The following NELL1 variants were observed in gnomAD, a reference collection of about 807,000 sequenced individuals.
The protein encoded by NELL1 is protein kinase C-binding protein NELL1.
Under a neutral mutation model 107.4 loss-of-function variants are expected in NELL1, and 76 were observed. That is an observed-to-expected ratio of 0.71 (90% confidence interval 0.59 to 0.86). NELL1 has a LOEUF of 0.86. NELL1 is among the 40% of genes least tolerant of loss of function. NELL1 has a pLI of 0.00. For synonymous variants in NELL1, 353 were observed against 341.2 expected, an observed-to-expected ratio of 1.03 and a Z score of -0.38; for missense variants, 1,024 against 1,005.5, an observed-to-expected ratio of 1.02 and a Z score of -0.25.
chr11:21,167,974 G>A (rs1209029983), intron 13 of NELL1, among the ~76,000 whole-genome samples: 1 of 151,606 alleles, frequency 6.6e-6, no homozygotes, highest in Non-Finnish European at 1.5e-5. Context: ...GTACTCACCA[G>A]AATCTGTAAT....
At chr11:21,190,690 G>A (rs1371530048) in intron 13 of NELL1, among the ~76,000 whole-genome samples, 4 of 151,864 alleles carry the variant, frequency 2.6e-5, no homozygotes, top group Non-Finnish European at 5.9e-5. Context: ...CCCTGGAAAT[G>A]TAATCAGTAT....
chr11:21,014,613 C>A lies in NELL1; in HGVS notation c.1300+54053C>A, dbSNP rs776033880. 2.6e-5 allele frequency among the ~76,000 whole-genome samples: 4 copies of A among 152,186 alleles called. No individual in the cohort carries two copies. The East Asian group carries it at 5.8e-4, about 22-fold the overall frequency. On this transcript the variant is annotated intron_variant, in intron 12 of 19. Transcript: ENST00000357134. ...TTATATTTCTGTAATTATTTGCCTG[C>A]AAATTGCTGTAATCTGAGGGTACTG...
intron 15 of NELL1, among the ~76,000 whole-genome samples, chr11:21,395,644 C>T (rs915402585): frequency 2.6e-5 from 4 of 151,328 alleles, no homozygotes; most frequent in African/African-American, 9.7e-5. Context: ...TTCTATTATT[C>T]TAGTAATAGT....
At chr11:21,550,675 G>C (rs925702937) in intron 16 of NELL1, among the ~76,000 whole-genome samples, 1 of 151,888 alleles carries the variant, frequency 6.6e-6, no homozygotes, top group African/African-American at 2.4e-5. Context: ...ATTTCTGAGG[G>C]CTCTGTTCTG....
At chr11:21,472,101 G>A (rs1158979651) in intron 15 of NELL1, among the ~76,000 whole-genome samples, 1 of 151,812 alleles carries the variant, frequency 6.6e-6, no homozygotes, top group Non-Finnish European at 1.5e-5. Context: ...GGTGACCTTT[G>A]AGCTGTCTAA....
intron 15 of NELL1, among the ~76,000 whole-genome samples, chr11:21,417,575 T>C (rs961910345): frequency 6.6e-6 from 1 of 152,064 alleles, no homozygotes; most frequent in Non-Finnish European, 1.5e-5. Context: ...AATAGAGATG[T>C]TATGAATCAG....
At chr11:21,371,057 C>A in intron 15 of NELL1, 109 bp downstream of exon 15, 1 of 835,232 alleles carries the variant, frequency 1.2e-6, no homozygotes, top group Non-Finnish European at 1.9e-6. Context: ...TGACTTGATA[C>A]ATTGTGTTGT....
intron 14 of NELL1, among the ~76,000 whole-genome samples, chr11:21,352,573 G>T (rs11026041): frequency 0.14 from 21,686 of 151,940 alleles, 1,771 homozygotes; most frequent in Non-Finnish European, 0.19. Context: ...GCTGCAGTGG[G>T]GTCTGATATT....
chr11:21,242,694 CTGTT>C (rs5790169), intron 14 of NELL1, among the ~76,000 whole-genome samples: 17,107 of 152,118 alleles, frequency 0.11, 1,185 homozygotes, highest in Non-Finnish European at 0.17. Context: ...AAATAACTCT[CTGTT>C]TGAGTAAACT....
In NELL1 at chr11:21,295,472, C is replaced by T. The variant is rs114642313; in HGVS notation, c.1549+66018C>T. On this transcript the variant is annotated intron_variant, in intron 14 of 19. Coordinates refer to ENST00000357134, the MANE Select transcript of NELL1 (RefSeq NM_006157.5). ...AGACAAAAAGAGAGAACACTTAAAA[C>T]AGGAATGATGTGCTATTGAAACAAA... 3.1e-3 allele frequency among the ~76,000 whole-genome samples: 471 copies of T among 152,024 alleles called. 2 individuals are homozygous for T. Among genetic ancestry groups the T allele is most frequent in the African/African-American group, 0.011 (443 of 41,508 alleles).
chr11:20,928,404 T>C lies in NELL1; in HGVS notation c.922T>C (p.Ser308Pro). 1.2e-6 allele frequency: 2 copies of C among 1,614,032 alleles called. No homozygotes were observed. The highest frequency in any genetic ancestry group is 1.7e-6 in the Non-Finnish European group (2 of 1,179,938). ...TGGTGCCGTGGAATGCCGAAGGATG[T>C]CCTGTCCCCCTCTCAATTGCTCCCC... is the stretch of plus-strand genomic sequence containing the variant. The part of the protein sequence containing the change: ...KSGAVECRRM[S>P]CPPLNCSPDS... Residue 308 changes from serine to proline, a missense_variant, in exon 9 of 20, where the codon TCC becomes CCC. Physicochemically the swap from Ser to Pro is moderately conservative, Grantham distance 74 (BLOSUM62 -1). Transcript: ENST00000357134.
chr11:21,266,190 T>TC (rs1848629543), intron 14 of NELL1, among the ~76,000 whole-genome samples: 1 of 125,976 alleles, frequency 7.9e-6, no homozygotes, highest in Non-Finnish European at 1.9e-5. Flanking sequence ...TCCATTTAGG[T>TC]ATTTTTTTTT....
chr11:21,090,802 A>G (rs1414123788), intron 12 of NELL1, among the ~76,000 whole-genome samples: 1 of 152,200 alleles, frequency 6.6e-6, no homozygotes, highest in Non-Finnish European at 1.5e-5. Flanking sequence ...CTTTACCCAG[A>G]TATAGGACAT....
intron 5 of NELL1, among the ~76,000 whole-genome samples, chr11:20,907,778 A>G (rs1280018591): frequency 6.6e-6 from 1 of 152,104 alleles, no homozygotes; most frequent in Non-Finnish European, 1.5e-5. Context: ...ACAGGCATCC[A>G]ACAGAGTGGG....
chr11:20,690,972 G>A (rs1854449884), intron 2 of NELL1, among the ~76,000 whole-genome samples: 1 of 152,074 alleles, frequency 6.6e-6, no homozygotes, highest in Non-Finnish European at 1.5e-5. Context: ...GCAGTGGTTT[G>A]TAGTTCTCCT....
At chr11:21,485,883 A>G (rs1379766131) in intron 15 of NELL1, among the ~76,000 whole-genome samples, 1 of 151,982 alleles carries the variant, frequency 6.6e-6, no homozygotes, top group African/African-American at 2.4e-5. Context: ...GTTGGCACCT[A>G]AACACTTTTC....
At chr11:20,726,963 A>T (rs1054467409) in intron 2 of NELL1, among the ~76,000 whole-genome samples, 4 of 152,168 alleles carry the variant, frequency 2.6e-5, no homozygotes, top group Non-Finnish European at 5.9e-5. Context: ...TCCATGGTGT[A>T]TATGTGCCAC....
At chr11:21,234,041 A>G (rs926047736) in intron 14 of NELL1, among the ~76,000 whole-genome samples, 4 of 152,216 alleles carry the variant, frequency 2.6e-5, no homozygotes, top group African/African-American at 9.6e-5. Context: ...GAACATTTAC[A>G]AAATGGTATT....
chr11:20,935,036 G>GT (rs1195564508), intron 9 of NELL1, among the ~76,000 whole-genome samples: 25 of 152,092 alleles, frequency 1.6e-4, no homozygotes, highest in Admixed American at 1.6e-3. Flanking sequence ...AAATTTGACT[G>GT]TTTTTTGCCA....
Sources: gnomAD v4.1 joint callset for allele counts (sites outside exome capture counted in the v4.1 genomes callset) on GRCh38, gnomAD v4.1.1 for gene constraint, MANE v1.5 for transcripts, NCBI Gene and HGNC (gene_info 2026-07-23, HGNC 2026-07-21) for gene names.